RAD54L2: variants seen among roughly 807,000 people sequenced by gnomAD.
RAD54L2 encodes helicase ARIP4.
A neutral mutation model predicts 138.4 loss-of-function variants in RAD54L2; 27 were observed. The ratio of observed to expected loss-of-function variants is 0.20; its 90% CI spans 0.14 to 0.27. The LOEUF is 0.27. Among genes scored for constraint, RAD54L2 ranks in the 10% least tolerant of loss-of-function variants. RAD54L2 has a pLI of 1.00. For missense variants in RAD54L2, 1,396 were observed against 1,890.2 expected, an observed-to-expected ratio of 0.74 and a Z score of 4.85; for synonymous variants, 644 against 723.2, an observed-to-expected ratio of 0.89 and a Z score of 1.76.
At chr3:51,591,821 C>T (rs1463106114) in intron 3 of RAD54L2, among the ~76,000 whole-genome samples, 1 of 152,054 alleles carries the variant, frequency 6.6e-6, no homozygotes, top group African/African-American at 2.4e-5. Context: ...CTTAGAACTC[C>T]CATCAGGTTT....
intron 2 of RAD54L2, among the ~76,000 whole-genome samples, chr3:51,586,396 G>C (rs1029383412): frequency 1.3e-5 from 2 of 149,892 alleles, no homozygotes; most frequent in African/African-American, 4.9e-5. Context: ...GGGATTACAG[G>C]CATGAACCAT....
At chr3:51,587,595 TTTACTTTGAGAGGCTAAG>T (rs1187802824) in intron 2 of RAD54L2, among the ~76,000 whole-genome samples, 3 of 152,218 alleles carry the variant, frequency 2.0e-5, no homozygotes, top group African/African-American at 7.2e-5. Flanking sequence ...ACAGCTGTTT[TTTACTTTGAGAGGCTAAG>T]TACATGAACC....
chr3:51,665,201 G>A lies in RAD54L2; in HGVS notation c.*1781G>A, dbSNP rs1412652693. On this transcript the variant is annotated 3_prime_UTR_variant, in exon 23 of 23. Coordinates refer to ENST00000684192, the MANE Select transcript of RAD54L2 (RefSeq NM_015106.4). ...CCCCACCCCAACACTTTGCCAGACA[G>A]TTCTTTATGATGAACAAACTTTGGC... 7.4e-6 allele frequency: 1 copy of A among 135,676 alleles called. No individual in the cohort carries two copies. The highest frequency in any genetic ancestry group is 2.7e-5 in the African/African-American group (1 of 36,382). The allele number at this position is 135,676 out of a possible 1,614,324, so 8.4% of individuals were successfully genotyped here.
rs1698478515 is a variant in RAD54L2, at chr3:51,538,846, C to T, written c.-186C>T. Among the ~76,000 whole-genome samples, 2 of 152,046 alleles carry T rather than the reference C, an allele frequency of 1.3e-5. No homozygotes were observed. Among genetic ancestry groups the T allele is most frequent in the Admixed American group, 6.6e-5 (1 of 15,262 alleles). Reference sequence around the variant, plus strand: ...TCCGCCGCCGCAGACTTTGCCTAGGCGGGCGAAGCTGAACGTGAGGTCCCT... The same window carrying T: ...TCCGCCGCCGCAGACTTTGCCTAGGTGGGCGAAGCTGAACGTGAGGTCCCT... On this transcript the variant is annotated 5_prime_UTR_variant, in exon 1 of 23. Transcript: ENST00000684192.
chr3:51,572,669 T>C (rs1304020676), intron 2 of RAD54L2, among the ~76,000 whole-genome samples: 2 of 150,770 alleles, frequency 1.3e-5, no homozygotes, highest in African/African-American at 4.9e-5. Flanking sequence ...GATGGATTCT[T>C]GCACTGTCAC....
chr3:51,601,189 T>G (rs1459051739), intron 3 of RAD54L2, among the ~76,000 whole-genome samples: 1 of 152,134 alleles, frequency 6.6e-6, no homozygotes, highest in East Asian at 1.9e-4. Flanking sequence ...TTTTTTTTTA[T>G]CTTTAGTAGA....
chr3:51,641,910 T>A lies in RAD54L2; in HGVS notation c.2350+43T>A, dbSNP rs867346301. 3 of 1,345,854 alleles carry A rather than the reference T, an allele frequency of 2.2e-6. 1 individual carries two copies. The Middle Eastern group carries it at 5.4e-4, about 243-fold the overall frequency. 83.4% of individuals were successfully genotyped at this position (1,345,854 alleles called of 1,614,324 possible). A position where few individuals can be genotyped will look rare whatever the true frequency, so the allele number is the denominator to read the frequency against. On this transcript the variant is annotated intron_variant, in intron 15 of 22. Transcript: ENST00000684192. ...TTGTTCTTGAAGCCTTGGCAAGGTC[T>A]GCTTAAGGGTTTCCTTTCCTTCTCT...
At chr3:51,558,219 C>G (rs529202316) in intron 2 of RAD54L2, among the ~76,000 whole-genome samples, 4 of 152,064 alleles carry the variant, frequency 2.6e-5, no homozygotes, top group Non-Finnish European at 4.4e-5. Flanking sequence ...ACTGATTGAC[C>G]GAATCCATGC....
intron 2 of RAD54L2, among the ~76,000 whole-genome samples, chr3:51,566,783 T>A (rs1455106678): frequency 6.6e-6 from 1 of 152,130 alleles, no homozygotes. Flanking sequence ...CTATTTTGCG[T>A]TTGCTTCTAG....
At chr3:51,558,968 C>A (rs1424187020) in intron 2 of RAD54L2, among the ~76,000 whole-genome samples, 1 of 152,056 alleles carries the variant, frequency 6.6e-6, no homozygotes, top group Non-Finnish European at 1.5e-5. Context: ...CTGCCTCCCA[C>A]GTTTAAGCAA....
intron 2 of RAD54L2, among the ~76,000 whole-genome samples, chr3:51,582,062 A>G (rs1026659623): frequency 1.3e-5 from 2 of 151,906 alleles, no homozygotes; most frequent in Middle Eastern, 3.2e-3. Context: ...GGGCACTAGC[A>G]TGCTGGCTAA....
chr3:51,605,146 G>T (rs1700152178), intron 3 of RAD54L2, among the ~76,000 whole-genome samples: 1 of 146,728 alleles, frequency 6.8e-6, no homozygotes, highest in Non-Finnish European at 1.5e-5. Flanking sequence ...CTGCAGTGCA[G>T]TGGCGCGATC....
intron 21 of RAD54L2, among the ~76,000 whole-genome samples, chr3:51,659,333 C>G (rs566717340): frequency 4.9e-4 from 74 of 152,188 alleles, no homozygotes; most frequent in Non-Finnish European, 9.1e-4. Context: ...TCTCAATCTC[C>G]TGACCTTGTG....
At chr3:51,614,776 G>C (rs1311072133) in intron 3 of RAD54L2, among the ~76,000 whole-genome samples, 1 of 152,076 alleles carries the variant, frequency 6.6e-6, no homozygotes. Context: ...GCCTTCCAAA[G>C]TTCTGGGATT....
chr3:51,544,084 C>T (rs563831914), intron 2 of RAD54L2, among the ~76,000 whole-genome samples: 150 of 151,850 alleles, frequency 9.9e-4, no homozygotes, highest in African/African-American at 3.5e-3. Flanking sequence ...TTTTGTGTTT[C>T]CCATACCTAG....
chr3:51,565,141 T>TA (rs1559618652), intron 2 of RAD54L2, among the ~76,000 whole-genome samples: 1 of 152,190 alleles, frequency 6.6e-6, no homozygotes, highest in Non-Finnish European at 1.5e-5. Flanking sequence ...ACATACCATA[T>TA]AGTTATTGTA....
intron 22 of RAD54L2, 35 bp downstream of exon 22, chr3:51,660,153 A>G (rs371267933): frequency 4.2e-5 from 65 of 1,529,770 alleles, no homozygotes; most frequent in Non-Finnish European, 5.7e-5. Context: ...TTACTTTTCA[A>G]ACAACATTTG....
At chr3:51,626,313 C>A (rs1455462127) in intron 3 of RAD54L2, among the ~76,000 whole-genome samples, 5 of 151,850 alleles carry the variant, frequency 3.3e-5, no homozygotes, top group Non-Finnish European at 5.9e-5. Flanking sequence ...GCCTGCCTAC[C>A]CAGTGAACAG....
Position 51,639,681 on chromosome 3 carries a change from C to T in RAD54L2, c.2112+11C>T. On this transcript the variant is annotated intron_variant, in intron 13 of 22. Coordinates refer to ENST00000684192, the MANE Select transcript of RAD54L2 (RefSeq NM_015106.4). Reference sequence around the variant, plus strand: ...GTCACATATGAATGGGTGAGTCAAGCAGATCCTTCAGGAACCATAAACTAT... The same window carrying T: ...GTCACATATGAATGGGTGAGTCAAGTAGATCCTTCAGGAACCATAAACTAT... 6.2e-7 allele frequency: 1 copy of T among 1,612,604 alleles called. No individual in the cohort carries two copies. The highest frequency in any genetic ancestry group is 1.7e-5 in the Admixed American group (1 of 59,780).
Sources: gnomAD v4.1 joint callset for allele counts (sites outside exome capture counted in the v4.1 genomes callset) on GRCh38, gnomAD v4.1.1 for gene constraint, MANE v1.5 for transcripts, NCBI Gene and HGNC (gene_info 2026-07-23, HGNC 2026-07-21) for gene names.